Variants in LRP1B observed in about 807,000 individuals in gnomAD.
LRP1B encodes low-density lipoprotein receptor-related protein 1B.
LRP1B carries 217 observed loss-of-function variants against 556.6 expected under a neutral mutation model. That is an observed-to-expected ratio of 0.39 (90% confidence interval 0.35 to 0.44). The LOEUF is 0.44. Ranked by LOEUF, LRP1B falls within the 20% of genes least tolerant of loss-of-function variation. The pLI is 1.00. For missense variants in LRP1B, 5,053 were observed against 5,620.8 expected (o/e 0.90, Z 3.23); for synonymous variants, 2,047 against 1,865.8 (o/e 1.10, Z -2.50).
chr2:141,273,782 A>C (rs1324259251), intron 3 of LRP1B, among the ~76,000 whole-genome samples: 1 of 152,230 alleles, frequency 6.6e-6, no homozygotes, highest in Non-Finnish European at 1.5e-5. Flanking sequence ...AAAAGTGAAT[A>C]AACAATTCAT....
chr2:140,267,734 A>G (rs908782308), intron 86 of LRP1B, among the ~76,000 whole-genome samples: 2 of 151,942 alleles, frequency 1.3e-5, no homozygotes, highest in African/African-American at 4.8e-5. Context: ...CCACTATCAA[A>G]ATAGATTTTA....
intron 32 of LRP1B, among the ~76,000 whole-genome samples, chr2:140,794,682 C>T (rs1278350069): frequency 2.0e-5 from 3 of 151,586 alleles, no homozygotes; most frequent in East Asian, 1.9e-4. Context: ...GGTACAATCT[C>T]GGCTCACCAC....
At position 141,777,878 on chromosome 2, in the gene LRP1B, T is replaced by A. The variant is rs571701297; in HGVS notation, c.205+32401A>T. On this transcript the variant is annotated intron_variant, in intron 2 of 90. Coordinates refer to ENST00000389484, the MANE Select transcript of LRP1B (RefSeq NM_018557.3). ...ACTTTTATGATGTAATTGTTTTTTTTAATAAATATCCAAAATTTCCAGTGA... is the reference window on the plus strand; with the variant it reads ...ACTTTTATGATGTAATTGTTTTTTTAAATAAATATCCAAAATTTCCAGTGA... Among the ~76,000 whole-genome samples, 291 of 152,302 alleles carry A rather than the reference T, an allele frequency of 1.9e-3. 1 individual carries two copies. The highest frequency in any genetic ancestry group is 6.7e-3 in the African/African-American group (280 of 41,552).
chr2:141,339,999 C>T (rs1687999180), intron 3 of LRP1B, among the ~76,000 whole-genome samples: 1 of 152,156 alleles, frequency 6.6e-6, no homozygotes, highest in Non-Finnish European at 1.5e-5. Flanking sequence ...TGTGTACCCA[C>T]TGTTTAGCTC....
chr2:140,563,799 C>T (rs1219098036), intron 43 of LRP1B, among the ~76,000 whole-genome samples: 2 of 152,078 alleles, frequency 1.3e-5, no homozygotes, highest in Non-Finnish European at 2.9e-5. Context: ...TAATCCAGGC[C>T]AAATGTCTTT....
chr2:141,924,184 G>A (rs138206243), intron 1 of LRP1B, among the ~76,000 whole-genome samples: 130 of 152,070 alleles, frequency 8.5e-4, no homozygotes, highest in African/African-American at 2.9e-3. Context: ...ACAAGGAGAT[G>A]AGGAGACAAG....
At chr2:141,067,439 G>C (rs995648485) in intron 7 of LRP1B, among the ~76,000 whole-genome samples, 1 of 151,896 alleles carries the variant, frequency 6.6e-6, no homozygotes, top group Admixed American at 6.6e-5. Flanking sequence ...AATCTCTCTT[G>C]TACTTGGTTT....
chr2:140,328,694 CAA>C (rs1352416272), intron 79 of LRP1B, among the ~76,000 whole-genome samples: 1 of 151,756 alleles, frequency 6.6e-6, no homozygotes, highest in South Asian at 2.1e-4. Flanking sequence ...ATAAAGGAGC[CAA>C]AAAAGCTGGA....
At chr2:141,809,315 A>G (rs902496425) in intron 2 of LRP1B, among the ~76,000 whole-genome samples, 2 of 152,164 alleles carry the variant, frequency 1.3e-5, no homozygotes, top group Admixed American at 1.3e-4. Flanking sequence ...AAATGGAAAG[A>G]TGAAAATGGA....
intron 47 of LRP1B, among the ~76,000 whole-genome samples, chr2:140,532,417 G>T (rs1690737087): frequency 6.6e-6 from 1 of 151,372 alleles, no homozygotes; most frequent in South Asian, 2.1e-4. Context: ...GGGGTGGGGG[G>T]TATGGAGTCT....
chr2:141,927,269 A>G (rs1419165311), intron 1 of LRP1B, among the ~76,000 whole-genome samples: 3 of 152,174 alleles, frequency 2.0e-5, no homozygotes, highest in Non-Finnish European at 2.9e-5. Context: ...CATAAGAACT[A>G]TGGGTAAATG....
At chr2:140,864,085 A>G (rs890817892) in intron 27 of LRP1B, among the ~76,000 whole-genome samples, 1 of 151,846 alleles carries the variant, frequency 6.6e-6, no homozygotes, top group Non-Finnish European at 1.5e-5. Flanking sequence ...TGAGCAATTT[A>G]CTTAGTATTT....
Position 141,611,514 on chromosome 2 carries a change from G to A in LRP1B, c.206-130981C>T, listed in dbSNP as rs886803775. On this transcript the variant is annotated intron_variant, in intron 2 of 90. Transcript: ENST00000389484. ...TATTGAAACCTGAGAAGAAAAGAGC[G>A]CAGCCTTAAATGCTATTACTCTGCA... 5.3e-5 allele frequency among the ~76,000 whole-genome samples: 8 copies of A among 152,044 alleles called. No homozygotes were observed. The East Asian group carries it at 5.8e-4, about 11-fold the overall frequency.
intron 1 of LRP1B, among the ~76,000 whole-genome samples, chr2:141,839,688 A>G (rs2105758122): frequency 6.6e-6 from 1 of 152,270 alleles, no homozygotes; most frequent in South Asian, 2.1e-4. Flanking sequence ...GAAAGTAAAG[A>G]AAATCTATCT....
intron 82 of LRP1B, among the ~76,000 whole-genome samples, chr2:140,320,402 CAGAGAA>C (rs1680042190): frequency 6.6e-6 from 1 of 152,098 alleles, no homozygotes; most frequent in Non-Finnish European, 1.5e-5. Flanking sequence ...TAACCTTCAG[CAGAGAA>C]CAAAGAGAAA....
intron 2 of LRP1B, among the ~76,000 whole-genome samples, chr2:141,527,654 G>A (rs1243555462): frequency 6.6e-6 from 1 of 152,022 alleles, no homozygotes; most frequent in African/African-American, 2.4e-5. Flanking sequence ...TGAATGAATG[G>A]TGTGTTTTTA....
intron 1 of LRP1B, among the ~76,000 whole-genome samples, chr2:141,954,083 A>C (rs2105040286): frequency 6.6e-6 from 1 of 152,272 alleles, no homozygotes; most frequent in Non-Finnish European, 1.5e-5. Context: ...CTGAGAGTAG[A>C]AAGTCAAGCC....
At chr2:140,377,231 A>G (rs576609209) in intron 68 of LRP1B, among the ~76,000 whole-genome samples, 4 of 152,154 alleles carry the variant, frequency 2.6e-5, no homozygotes, top group Admixed American at 2.0e-4. Flanking sequence ...GTGCACCATC[A>G]TGCCTGGCTA....
chr2:142,093,293 G>GTT (rs781674008), intron 1 of LRP1B, among the ~76,000 whole-genome samples: 13 of 152,116 alleles, frequency 8.5e-5, no homozygotes, highest in East Asian at 7.7e-4. Context: ...CTAGTTCGCT[G>GTT]TTTTTTATGT....
Sources: gnomAD v4.1 joint callset for allele counts (sites outside exome capture counted in the v4.1 genomes callset) on GRCh38, gnomAD v4.1.1 for gene constraint, MANE v1.5 for transcripts, NCBI Gene and HGNC (gene_info 2026-07-23, HGNC 2026-07-21) for gene names.